Variants in MYT1 observed in about 807,000 individuals in gnomAD.
MYT1 encodes myelin transcription factor I.
MYT1 carries 23 observed loss-of-function variants against 123.0 expected under a neutral mutation model. That is an observed-to-expected ratio of 0.19 (90% confidence interval 0.13 to 0.26). MYT1 has a LOEUF of 0.26. MYT1 is among the 10% of genes least tolerant of loss of function. The pLI, the probability that MYT1 is intolerant of heterozygous loss-of-function variation, is 1.00. For synonymous variants in MYT1, 518 were observed against 575.3 expected, an observed-to-expected ratio of 0.90 and a Z score of 1.43; for missense variants, 1,125 against 1,472.5, an observed-to-expected ratio of 0.76 and a Z score of 3.86.
chr20:64,232,480 G>C lies in MYT1; in HGVS notation c.2897+95G>C. 21 of 1,267,778 alleles carry C rather than the reference G, an allele frequency of 1.7e-5. No individual in the cohort carries two copies. Among genetic ancestry groups the C allele is most frequent in the Non-Finnish European group, 2.4e-5 (21 of 891,762 alleles). 78.5% of individuals were successfully genotyped at this position (1,267,778 alleles called of 1,614,324 possible). A position where few individuals can be genotyped will look rare whatever the true frequency, so the allele number is the denominator to read the frequency against. ...AGCTCCTGAGGGAGGGCCAGACCAG[G>C]GCTCCGTGTGACCAGAGTTGCTCAA... On this transcript the variant is annotated intron_variant, in intron 19 of 22. Transcript: ENST00000328439. This position sits in a 1 kb window ranked among gnomAD's most constrained non-coding sequence, Gnocchi z 6.9.
chr20:64,180,820 A>G (rs1381846303), intron 1 of MYT1, among the ~76,000 whole-genome samples: 2 of 152,186 alleles, frequency 1.3e-5, no homozygotes, highest in African/African-American at 4.8e-5. Context: ...TACCAGTGTT[A>G]TGTCTCATAC....
intron 7 of MYT1, among the ~76,000 whole-genome samples, chr20:64,210,531 C>A (rs1983636288): frequency 6.6e-6 from 1 of 152,226 alleles, no homozygotes; most frequent in Non-Finnish European, 1.5e-5. Context: ...TTGGAGCCCC[C>A]TCCTGGGACC....
At chr20:64,171,695 C>G (rs544328946) in intron 1 of MYT1, among the ~76,000 whole-genome samples, 17 of 145,896 alleles carry the variant, frequency 1.2e-4, no homozygotes, top group Admixed American at 2.0e-4. Flanking sequence ...ACCCTAACCC[C>G]TAACCTCTGG....
At position 64,195,354 on chromosome 20, in the gene MYT1, CTGTGTGTGTGTGTG is replaced by C. The variant is rs5741790; in HGVS notation, c.1-3478_1-3465del. Among the ~76,000 whole-genome samples the C allele has an allele frequency of 3.5e-3, 350 of 98,842 alleles. 6 individuals are homozygous for C. Among genetic ancestry groups the C allele is most frequent in the Admixed American group, 8.5e-3 (71 of 8,354 alleles). 64.8% of individuals were successfully genotyped at this position (98,842 alleles called of 152,430 possible). On this transcript the variant is annotated intron_variant, in intron 2 of 22. Transcript: ENST00000328439. The stretch of plus-strand genomic sequence containing the variant: ...TCTTCGTACCATGTCATGGTGAGAA[CTGTGTGTGTGTGTG>C]TGTGTGTGTGTGTGTGTGTGTGTGT...
chr20:64,178,739 A>G (rs28626817), intron 1 of MYT1, among the ~76,000 whole-genome samples: 5 of 131,864 alleles, frequency 3.8e-5, no homozygotes, highest in Admixed American at 2.2e-4. Context: ...TCGGTGAGAT[A>G]CCCTTCAACG....
At chr20:64,233,772 C>T (rs1049400100) in intron 19 of MYT1, among the ~76,000 whole-genome samples, 1 of 152,124 alleles carries the variant, frequency 6.6e-6, no homozygotes, top group Non-Finnish European at 1.5e-5. Flanking sequence ...GAAGTAGCAG[C>T]TTGGCCTGAG....
intron 1 of MYT1, among the ~76,000 whole-genome samples, chr20:64,182,806 G>A (rs1982691588): frequency 6.6e-6 from 1 of 152,174 alleles, no homozygotes; most frequent in Non-Finnish European, 1.5e-5. Context: ...GGGACTTGCT[G>A]GGACCTCCTG....
chr20:64,209,765 A>G (rs1983610491), intron 7 of MYT1, among the ~76,000 whole-genome samples: 1 of 152,202 alleles, frequency 6.6e-6, no homozygotes, highest in Non-Finnish European at 1.5e-5. Flanking sequence ...GACACGAGGG[A>G]CATGTTTTCC....
At chr20:64,205,875 GA>G in intron 6 of MYT1, 75 bp downstream of exon 6, 2 of 1,570,000 alleles carry the variant, frequency 1.3e-6, no homozygotes, top group Non-Finnish European at 1.7e-6. Context: ...TGTGAGCGGG[GA>G]GGGGCTCACT....
At chr20:64,210,312 G>C (rs758766088) in intron 7 of MYT1, among the ~76,000 whole-genome samples, 24 of 152,244 alleles carry the variant, frequency 1.6e-4, no homozygotes, top group Non-Finnish European at 3.1e-4. Flanking sequence ...TCTGTGCAAC[G>C]TGAACGTGCG....
At chr20:64,187,046 C>T (rs1319833594) in intron 1 of MYT1, among the ~76,000 whole-genome samples, 3 of 148,820 alleles carry the variant, frequency 2.0e-5, no homozygotes, top group Non-Finnish European at 4.4e-5. Flanking sequence ...GTGGCCCCGG[C>T]ATCCACGTTT....
At chr20:64,207,255 A>G (rs1396012784) in intron 6 of MYT1, among the ~76,000 whole-genome samples, 2 of 152,228 alleles carry the variant, frequency 1.3e-5, no homozygotes, top group Non-Finnish European at 2.9e-5. Flanking sequence ...CTTAAGCTCC[A>G]TTGTATACAA....
At chr20:64,228,777 T>C (rs964986929) in intron 18 of MYT1, among the ~76,000 whole-genome samples, 6 of 152,200 alleles carry the variant, frequency 3.9e-5, no homozygotes, top group Admixed American at 2.0e-4. Context: ...ACCGAGGTAC[T>C]TTCAGAGCTG....
chr20:64,220,666 C>G (rs974476281), intron 13 of MYT1, among the ~76,000 whole-genome samples: 1 of 152,250 alleles, frequency 6.6e-6, no homozygotes, highest in Non-Finnish European at 1.5e-5. Context: ...GCAGCAGCCG[C>G]GTGTGTGAGA....
In MYT1 at chr20:64,232,090, T is replaced by C. The variant is rs1984336390; in HGVS notation, c.2676-74T>C. ...CTCTGAGTTGGGCTCCCCTTGTGTC[T>C]GGCTTGAGAGAGTCTCCAGGCTTCT... On this transcript the variant is annotated intron_variant, in intron 18 of 22. Coordinates refer to ENST00000328439, the MANE Select transcript of MYT1 (RefSeq NM_004535.3). This position sits in a 1 kb window ranked among gnomAD's most constrained non-coding sequence, Gnocchi z 6.9. 4 of 1,499,938 alleles carry C rather than the reference T, an allele frequency of 2.7e-6. No homozygotes were observed. In the Admixed American group the frequency reaches 5.1e-5, roughly 19 times the overall value. 92.9% of individuals were successfully genotyped at this position (1,499,938 alleles called of 1,614,324 possible).
chr20:64,222,197 G>T, intron 14 of MYT1, 150 bp downstream of exon 14: 1 of 770,164 alleles, frequency 1.3e-6, no homozygotes, highest in Non-Finnish European at 2.1e-6. Context: ...TGTGACAGGA[G>T]CCAGGGTATT....
chr20:64,182,596 G>A (rs548441621), intron 1 of MYT1, among the ~76,000 whole-genome samples: 2 of 152,318 alleles, frequency 1.3e-5, no homozygotes, highest in African/African-American at 4.8e-5. Context: ...GGACCCAAGA[G>A]CTCTCACTCT....
intron 20 of MYT1, 109 bp from the exon 21 acceptor site, chr20:64,237,178 C>A (rs1568723535): frequency 7.8e-6 from 6 of 766,592 alleles, no homozygotes; most frequent in Non-Finnish European, 1.3e-5. Flanking sequence ...GGAGGGGAGA[C>A]CTCTGCTGCA....
chr20:64,195,400 A>AGTTTTTT, intron 2 of MYT1, among the ~76,000 whole-genome samples: 1 of 7,824 alleles, frequency 1.3e-4, no homozygotes, highest in African/African-American at 8.5e-4. Context: ...GTGTGTGTAT[A>AGTTTTTT]CTTTTTTTTT....
Sources: allele counts gnomAD v4.1 joint callset (sites outside exome capture counted in the v4.1 genomes callset), GRCh38; gene constraint gnomAD v4.1.1; non-coding constraint Gnocchi (gnomAD v3.1); transcripts MANE v1.5; gene names NCBI Gene and HGNC (gene_info 2026-07-23, HGNC 2026-07-21).